The following CLVS2 variants were observed in gnomAD, a reference collection of about 807,000 sequenced individuals.
The protein encoded by CLVS2 is clavesin 2, also known as clavesin-2.
Under a neutral mutation model 29.0 loss-of-function variants are expected in CLVS2, and 19 were observed. That is an observed-to-expected ratio of 0.66 (90% CI 0.46 to 0.96). The LOEUF is 0.96. Ranked by LOEUF, CLVS2 falls within the 40% of genes least tolerant of loss-of-function variation. The pLI is 0.00. For synonymous variants in CLVS2, 161 were observed against 151.3 expected, an observed-to-expected ratio of 1.06 and a Z score of -0.47; for missense variants, 294 against 404.1, an observed-to-expected ratio of 0.73 and a Z score of 2.34.
chr6:123,001,792 G>A (rs918799284), intron 2 of CLVS2, among the ~76,000 whole-genome samples: 1 of 152,160 alleles, frequency 6.6e-6, no homozygotes, highest in Non-Finnish European at 1.5e-5. Flanking sequence ...AGAAAAGGAA[G>A]CTTGGAAAGA....
chr6:123,006,567 AAGACAAAAAAATTT>A (rs1321095826), intron 2 of CLVS2, among the ~76,000 whole-genome samples: 1 of 152,208 alleles, frequency 6.6e-6, no homozygotes, highest in African/African-American at 2.4e-5. Context: ...AAATATATAA[AAGACAAAAAAATTT>A]AGGACTTGGT....
Position 123,003,405 on chromosome 6 carries a change from C to A in CLVS2, c.389+5239C>A, listed in dbSNP as rs189196362. On this transcript the variant is annotated intron_variant, in intron 2 of 5. Coordinates refer to ENST00000275162, the MANE Select transcript of CLVS2 (RefSeq NM_001010852.4). ...AGTAAATTAATACATCTCCTCCTTT[C>A]TGTGGGAAATGTTAAATTCTCTTAC... Among the ~76,000 whole-genome samples, 300 of 152,264 alleles carry A rather than the reference C, an allele frequency of 2.0e-3. 3 individuals are homozygous for A. Among genetic ancestry groups the A allele is most frequent in the African/African-American group, 6.9e-3 (288 of 41,566 alleles).
intron 3 of CLVS2, among the ~76,000 whole-genome samples, chr6:123,020,857 A>T (rs1341860045): frequency 2.6e-5 from 4 of 151,932 alleles, no homozygotes; most frequent in Admixed American, 6.6e-5. Flanking sequence ...TTATGTTATA[A>T]TTTTTCCCTC....
intron 2 of CLVS2, among the ~76,000 whole-genome samples, chr6:123,010,438 C>A (rs1774731746): frequency 6.6e-6 from 1 of 152,024 alleles, no homozygotes; most frequent in African/African-American, 2.4e-5. Context: ...ATTTCCATGA[C>A]TTTTCCCACT....
Position 123,021,418 on chromosome 6 carries a change from C to T in CLVS2, c.564+10259C>T, listed in dbSNP as rs1178956119. 2.0e-5 allele frequency among the ~76,000 whole-genome samples: 3 copies of T among 151,992 alleles called. No homozygotes were observed. In the East Asian group the frequency reaches 5.8e-4, roughly 30 times the overall value. ...TTATGTGTCCACCAGACACTTAATACATGCTTCAGTTAAAAAAAAATTATT... is the reference window on the plus strand; with the variant it reads ...TTATGTGTCCACCAGACACTTAATATATGCTTCAGTTAAAAAAAAATTATT... On this transcript the variant is annotated intron_variant, in intron 3 of 5. Coordinates refer to ENST00000275162, the MANE Select transcript of CLVS2 (RefSeq NM_001010852.4).
At chr6:123,009,531 C>A (rs928610112) in intron 2 of CLVS2, among the ~76,000 whole-genome samples, 14 of 151,978 alleles carry the variant, frequency 9.2e-5, no homozygotes, top group African/African-American at 3.1e-4. Flanking sequence ...AATAGACCTA[C>A]TTCCTCATAT....
rs188010630 is a variant in CLVS2 at position 122,997,335 on chromosome 6, G to T, written c.-443G>T. The T allele has an allele frequency of 1.4e-3, 251 of 184,246 alleles. No individual in the cohort carries two copies. Among genetic ancestry groups the T allele is most frequent in the Non-Finnish European group, 1.3e-3 (101 of 77,960 alleles). The allele number at this position is 184,246 out of a possible 1,614,324, so 11.4% of individuals were successfully genotyped here. On this transcript the variant is annotated 5_prime_UTR_variant, in exon 2 of 6. Transcript: ENST00000275162. ...AGCAGGGACCGCAGGAACATTCACA[G>T]TGCAGGGGCTGAGATGTGCGTGGGG...
intron 2 of CLVS2, among the ~76,000 whole-genome samples, chr6:122,998,595 C>T (rs13208344): frequency 0.25 from 38,268 of 152,062 alleles, 5,194 homozygotes; most frequent in Non-Finnish European, 0.31. Context: ...TCATCATCAT[C>T]CTCTCTTTGG....
intron 4 of CLVS2, among the ~76,000 whole-genome samples, chr6:123,050,714 A>G (rs9388174): frequency 0.47 from 71,651 of 151,878 alleles, 17,507 homozygotes; most frequent in African/African-American, 0.53. Flanking sequence ...ACAGGGACTC[A>G]TATACCATTG....
chr6:123,059,933 T>C (rs1023605924), intron 5 of CLVS2, among the ~76,000 whole-genome samples: 1 of 152,198 alleles, frequency 6.6e-6, no homozygotes, highest in African/African-American at 2.4e-5. Flanking sequence ...ATTAGAGTTT[T>C]AGGCATTGTT....
chr6:123,004,781 C>T (rs994613578), intron 2 of CLVS2, among the ~76,000 whole-genome samples: 6 of 152,000 alleles, frequency 3.9e-5, no homozygotes, highest in East Asian at 1.9e-4. Flanking sequence ...GGCCTGGTGG[C>T]GGGCGCCTGT....
At chr6:123,042,554 T>C (rs1004129361) in intron 3 of CLVS2, among the ~76,000 whole-genome samples, 1 of 152,160 alleles carries the variant, frequency 6.6e-6, no homozygotes, top group Admixed American at 6.6e-5. Context: ...AAGGATGAAA[T>C]CTTTTGTTTT....
rs1280702830 is a variant in CLVS2 at position 122,997,539 on chromosome 6, G to T, written c.-239G>T. On this transcript the variant is annotated 5_prime_UTR_variant, in exon 2 of 6. Coordinates refer to ENST00000275162, the MANE Select transcript of CLVS2 (RefSeq NM_001010852.4). ...AAAGGAAAGAGGGAGCCAAAGTAGG[G>T]TGTTGTATTTTAGGGGGCAGAGGAA... is the stretch of plus-strand genomic sequence containing the variant. 2 of 571,372 alleles carry T rather than the reference G, an allele frequency of 3.5e-6. No individual in the cohort carries two copies. The highest frequency in any genetic ancestry group is 6.4e-6 in the Non-Finnish European group (2 of 314,188). The allele number at this position is 571,372 out of a possible 1,614,324, so 35.4% of individuals were successfully genotyped here.
intron 5 of CLVS2, among the ~76,000 whole-genome samples, chr6:123,056,440 CT>C (rs1772695447): frequency 6.6e-6 from 1 of 152,060 alleles, no homozygotes; most frequent in African/African-American, 2.4e-5. Flanking sequence ...ATGAGTTCGA[CT>C]TTTTTTAGAT....
At chr6:123,057,298 C>T (rs1412823747) in intron 5 of CLVS2, among the ~76,000 whole-genome samples, 1 of 148,284 alleles carries the variant, frequency 6.7e-6, no homozygotes, top group Non-Finnish European at 1.5e-5. Context: ...AGCTCTGACT[C>T]ATGGAGTAAT....
chr6:123,014,429 C>T (rs1774797347), intron 3 of CLVS2, among the ~76,000 whole-genome samples: 1 of 151,916 alleles, frequency 6.6e-6, no homozygotes. Context: ...TATATTCATA[C>T]ATGAATATAG....
At chr6:123,009,168 C>T (rs1168482851) in intron 2 of CLVS2, among the ~76,000 whole-genome samples, 4 of 151,960 alleles carry the variant, frequency 2.6e-5, no homozygotes, top group Non-Finnish European at 5.9e-5. Context: ...TTTGATGACT[C>T]TCTGGTGCTG....
At chr6:123,021,020 T>C (rs1774911715) in intron 3 of CLVS2, among the ~76,000 whole-genome samples, 1 of 150,280 alleles carries the variant, frequency 6.7e-6, no homozygotes, top group Admixed American at 6.6e-5. Flanking sequence ...TCTTAAGGGC[T>C]TTTGTCATTG....
At position 123,055,008 on chromosome 6, in the gene CLVS2, C is replaced by T. The variant is rs549898464; in HGVS notation, c.676-798C>T. Among the ~76,000 whole-genome samples the T allele has an allele frequency of 1.6e-4, 24 of 152,038 alleles. No individual in the cohort carries two copies. The South Asian group carries it at 4.8e-3, about 30-fold the overall frequency. ...GACCTTGACAAAAGTTGTTTTCATT[C>T]AGTGGTAAGAGACAAAGCCAGACTG... On this transcript the variant is annotated intron_variant, in intron 4 of 5. Coordinates refer to ENST00000275162, the MANE Select transcript of CLVS2 (RefSeq NM_001010852.4).
Sources: allele counts gnomAD v4.1 joint callset (sites outside exome capture counted in the v4.1 genomes callset), GRCh38; gene constraint gnomAD v4.1.1; transcripts MANE v1.5; gene names NCBI Gene and HGNC (gene_info 2026-07-23, HGNC 2026-07-21).